GPR12: variants seen among roughly 807,000 people sequenced by gnomAD.
GPR12 encodes the protein G-protein coupled receptor 12.
In GPR12, 7 loss-of-function variants were observed where a neutral mutation model predicts 18.9. The observed-to-expected ratio is 0.37, with a 90% CI of 0.21 to 0.70. GPR12 has a LOEUF of 0.70. GPR12 is among the 30% of genes least tolerant of loss of function. The pLI is 0.54. For missense variants in GPR12, 327 were observed against 427.7 expected (o/e 0.76, Z 2.08); for synonymous variants, 201 against 188.6 (o/e 1.07, Z -0.54).
In GPR12 at chr13:26,757,691, G is replaced by A. The variant is rs541437909; in HGVS notation, c.*1132C>T. ...TGTCACAGTCATAGATGGACGCTGT[G>A]CACTGACAAACAAACCTAATCATTA... On this transcript the variant is annotated 3_prime_UTR_variant, in exon 2 of 2. Transcript: ENST00000405846. 5 of 152,294 alleles carry A rather than the reference G, an allele frequency of 3.3e-5. No homozygotes were observed. The highest frequency in any genetic ancestry group is 5.9e-5 in the Non-Finnish European group (4 of 68,032). The allele number at this position is 152,294 out of a possible 1,614,324, so 9.4% of individuals were successfully genotyped here. A position where few individuals can be genotyped will look rare whatever the true frequency, so the allele number is the denominator to read the frequency against.
chr13:26,758,756 C>T lies in GPR12; in HGVS notation c.*67G>A. The T allele has an allele frequency of 1.3e-6, 2 of 1,521,874 alleles. No homozygotes were observed. Among genetic ancestry groups the T allele is most frequent in the South Asian group, 1.3e-5 (1 of 75,678 alleles). The allele number at this position is 1,521,874 out of a possible 1,614,324, so 94.3% of individuals were successfully genotyped here. A position where few individuals can be genotyped will look rare whatever the true frequency, so the allele number is the denominator to read the frequency against. On this transcript the variant is annotated 3_prime_UTR_variant, in exon 2 of 2. Coordinates refer to ENST00000405846, the MANE Select transcript of GPR12 (RefSeq NM_005288.4). ...TCCAATGCAAGGAATTCAAGGGAAG[C>T]ATCTCAAACCTTGGCCAGGCAGTGG...
rs770351197 is a variant in GPR12, at chr13:26,759,087, C to G, written c.741G>C (p.Arg247=). 3.1e-6 allele frequency: 5 copies of G among 1,613,888 alleles called. No homozygotes were observed. In the South Asian group the frequency reaches 3.3e-5, roughly 11 times the overall value. ...FLATSHYVTT[R]KGVSTLAIIL... Reference sequence around the variant, plus strand: ...TGATAGCCAGGGTGGAGACCCCTTTCCGGGTGGTCACATAGTGCGACGTGG... The same window carrying G: ...TGATAGCCAGGGTGGAGACCCCTTTGCGGGTGGTCACATAGTGCGACGTGG... Residue 247 remains arginine (R), a synonymous_variant, in exon 2 of 2, where the codon CGG becomes CGC. Coordinates refer to ENST00000405846, the MANE Select transcript of GPR12 (RefSeq NM_005288.4).
rs1317561109 is a variant in GPR12 at position 26,759,490 on chromosome 13, T to C, written c.338A>G (p.Lys113Arg). The change falls in exon 2 of 2, where the codon AAG (lysine) becomes AGG (arginine). Residue 113 changes from lysine (K) to arginine (R), a missense_variant. Transcript: ENST00000405846. ...GACAATGAGGCCGATCGTGACCAGCTTGGTGGCTTCTGACTGAAGCAGGTA... is the reference window on the plus strand; with the variant it reads ...GACAATGAGGCCGATCGTGACCAGCCTGGTGGCTTCTGACTGAAGCAGGTA... ...FAYLLQSEAT[K>R]LVTIGLIVAS... The C allele has an allele frequency of 6.2e-7, 1 of 1,614,030 alleles. No individual in the cohort carries two copies. Among genetic ancestry groups the C allele is most frequent in the Admixed American group, 1.7e-5 (1 of 60,020 alleles).
chr13:26,755,435 A>G lies in GPR12; in HGVS notation c.*3388T>C, dbSNP rs1884356917. ...TTTTTAAAAAGCCGAAGAAGTCTCC[A>G]TGATATTTTTATTGGCACTAAGTAT... On this transcript the variant is annotated 3_prime_UTR_variant, in exon 2 of 2. Transcript: ENST00000405846. 1.3e-5 allele frequency: 2 copies of G among 152,200 alleles called. No homozygotes were observed. The highest frequency in any genetic ancestry group is 1.3e-4 in the Admixed American group (2 of 15,284). The allele number at this position is 152,200 out of a possible 1,614,324, so 9.4% of individuals were successfully genotyped here. A position where few individuals can be genotyped will look rare whatever the true frequency, so the allele number is the denominator to read the frequency against.
Position 26,759,079 on chromosome 13 carries a change from A to T in GPR12, c.749T>A (p.Val250Asp). The T allele has an allele frequency of 6.2e-7, 1 of 1,613,388 alleles. No homozygotes were observed. Among genetic ancestry groups the T allele is most frequent in the Non-Finnish European group, 8.5e-7 (1 of 1,179,876 alleles). The part of the protein sequence containing the change: ...TSHYVTTRKG[V>D]STLAIILGTF... Reference sequence around the variant, plus strand: ...CCCCAGGATGATAGCCAGGGTGGAGACCCCTTTCCGGGTGGTCACATAGTG... The same window carrying T: ...CCCCAGGATGATAGCCAGGGTGGAGTCCCCTTTCCGGGTGGTCACATAGTG... Residue 250 changes from valine to aspartate, a missense_variant, in exon 2 of 2, where the codon GTC (valine) becomes GAC (aspartate). By Grantham distance (152) the Val-to-Asp change is radical (BLOSUM62 -3). Transcript: ENST00000405846.
rs544546934 is a variant in GPR12 at position 26,755,837 on chromosome 13, T to C, written c.*2986A>G. Reference sequence around the variant, plus strand: ...ATATCAATTCCTTGGTAGCTAGAAATTTTAATTATGTGGAGTAAAAGATTA... The same window carrying C: ...ATATCAATTCCTTGGTAGCTAGAAACTTTAATTATGTGGAGTAAAAGATTA... On this transcript the variant is annotated 3_prime_UTR_variant, in exon 2 of 2. Transcript: ENST00000405846. 6.6e-6 allele frequency: 1 copy of C among 152,230 alleles called. No homozygotes were observed. The highest frequency in any genetic ancestry group is 1.5e-5 in the Non-Finnish European group (1 of 68,046). 9.4% of individuals were successfully genotyped at this position (152,230 alleles called of 1,614,324 possible).
rs1884421374 is a variant in GPR12 at position 26,758,752 on chromosome 13, G to C, written c.*71C>G. 1 of 1,519,296 alleles carries C rather than the reference G, an allele frequency of 6.6e-7. No individual in the cohort carries two copies. Among genetic ancestry groups the C allele is most frequent in the Middle Eastern group, 2.1e-4 (1 of 4,672 alleles). The allele number at this position is 1,519,296 out of a possible 1,614,324, so 94.1% of individuals were successfully genotyped here. On this transcript the variant is annotated 3_prime_UTR_variant, in exon 2 of 2. Coordinates refer to ENST00000405846, the MANE Select transcript of GPR12 (RefSeq NM_005288.4). ...GGAATCCAATGCAAGGAATTCAAGGGAAGCATCTCAAACCTTGGCCAGGCA... is the reference window on the plus strand; with the variant it reads ...GGAATCCAATGCAAGGAATTCAAGGCAAGCATCTCAAACCTTGGCCAGGCA...
chr13:26,757,885 GT>G lies in GPR12; in HGVS notation c.*937del, dbSNP rs1015089534. On this transcript the variant is annotated 3_prime_UTR_variant, in exon 2 of 2. Transcript: ENST00000405846. Reference sequence around the variant, plus strand: ...TTCATTTCATGATAATGTCACATTAGTTTTTTTCAGAATATATTAAAATAAA... The same window carrying G: ...TTCATTTCATGATAATGTCACATTAGTTTTTTCAGAATATATTAAAATAAA... The G allele has an allele frequency of 6.6e-6, 1 of 152,134 alleles. No homozygotes were observed. Among genetic ancestry groups the G allele is most frequent in the Non-Finnish European group, 1.5e-5 (1 of 68,020 alleles). 9.4% of individuals were successfully genotyped at this position (152,134 alleles called of 1,614,324 possible).
intron 1 of GPR12, chr13:26,760,325 C>T (rs892396054): frequency 2.0e-4 from 34 of 169,052 alleles, no homozygotes; most frequent in Non-Finnish European, 3.9e-4. Context: ...ATCCCCCGCG[C>T]GCGTGCACAT....
Position 26,755,631 on chromosome 13 carries a change from C to G in GPR12, c.*3192G>C, listed in dbSNP as rs1033536363. 6.6e-6 allele frequency: 1 copy of G among 152,166 alleles called. No homozygotes were observed. The highest frequency in any genetic ancestry group is 6.5e-5 in the Admixed American group (1 of 15,270). 9.4% of individuals were successfully genotyped at this position (152,166 alleles called of 1,614,324 possible). On this transcript the variant is annotated 3_prime_UTR_variant, in exon 2 of 2. Transcript: ENST00000405846. Reference sequence around the variant, plus strand: ...GAGGGGCTCTATCTCCACCCTGCTTCCCTGCCCCAGGTACCTTTAAAAACA... The same window carrying G: ...GAGGGGCTCTATCTCCACCCTGCTTGCCTGCCCCAGGTACCTTTAAAAACA...
chr13:26,758,933 C>T lies in GPR12; in HGVS notation c.895G>A (p.Val299Ile), dbSNP rs775896560. 1 of 1,614,056 alleles carries T rather than the reference C, an allele frequency of 6.2e-7. No individual in the cohort carries two copies. The highest frequency in any genetic ancestry group is 2.2e-5 in the East Asian group (1 of 44,866). ...TCTTGGTTTCTGAAAGCATATATGA[C>T]AGGGTTGATGATGGAATTGTAGGTG... ...PATYNSIINP[V>I]IYAFRNQEIQ... Residue 299 changes from valine to isoleucine, a missense_variant, in exon 2 of 2, where the codon GTC (valine) becomes ATC (isoleucine). Transcript: ENST00000405846.
In GPR12 at chr13:26,756,622, A is replaced by C. The variant is rs1884379639; in HGVS notation, c.*2201T>G. The C allele has an allele frequency of 6.6e-6, 1 of 152,208 alleles. No individual in the cohort carries two copies. Among genetic ancestry groups the C allele is most frequent in the South Asian group, 2.1e-4 (1 of 4,822 alleles). 9.4% of individuals were successfully genotyped at this position (152,208 alleles called of 1,614,324 possible). A position where few individuals can be genotyped will look rare whatever the true frequency, so the allele number is the denominator to read the frequency against. On this transcript the variant is annotated 3_prime_UTR_variant, in exon 2 of 2. Transcript: ENST00000405846. ...AGGAGCAAGACTTAGACTTTGGAAA[A>C]GCTGGCTTCAAATTCTGACTCTATC...
At position 26,758,362 on chromosome 13, in the gene GPR12, T is replaced by C. The variant is rs116131643; in HGVS notation, c.*461A>G. 3.8e-3 allele frequency: 589 copies of C among 155,614 alleles called. 4 individuals are homozygous for C. Among genetic ancestry groups the C allele is most frequent in the African/African-American group, 0.014 (560 of 39,972 alleles). The allele number at this position is 155,614 out of a possible 1,614,324, so 9.6% of individuals were successfully genotyped here. ...AAGGGGTCATATTCTGTTACATACA[T>C]GCAGCATTAAAAAATCTACCATCAT... is the stretch of plus-strand genomic sequence containing the variant. On this transcript the variant is annotated 3_prime_UTR_variant, in exon 2 of 2. Transcript: ENST00000405846.
Position 26,756,873 on chromosome 13 carries a change from C to T in GPR12, c.*1950G>A, listed in dbSNP as rs1365501831. 6.6e-6 allele frequency: 1 copy of T among 152,086 alleles called. No individual in the cohort carries two copies. Among genetic ancestry groups the T allele is most frequent in the Non-Finnish European group, 1.5e-5 (1 of 68,034 alleles). The allele number at this position is 152,086 out of a possible 1,614,324, so 9.4% of individuals were successfully genotyped here. A position where few individuals can be genotyped will look rare whatever the true frequency, so the allele number is the denominator to read the frequency against. On this transcript the variant is annotated 3_prime_UTR_variant, in exon 2 of 2. Coordinates refer to ENST00000405846, the MANE Select transcript of GPR12 (RefSeq NM_005288.4). The stretch of plus-strand genomic sequence containing the variant: ...AAAATCATCATTTATTCCTTTAAAA[C>T]CTCATTACGGATATTTCCTAGCCCC...
In GPR12 at chr13:26,758,990, AG is replaced by A; in HGVS notation, c.837del (p.Ser280ProfsTer106). On this transcript the variant is annotated frameshift_variant, in exon 2 of 2. Coordinates refer to ENST00000405846, the MANE Select transcript of GPR12 (RefSeq NM_005288.4). LOFTEE classifies it high-confidence loss of function. ...AGGAGGGTGGCGTAGGTATAGATGG[AG>A]GGGTAGGTGTAATCCGCTATCAAGG... is the stretch of plus-strand genomic sequence containing the variant. ...LYSLIADYTY[P>X]SIYTYATLLP... 1 of 1,613,834 alleles carries A rather than the reference AG, an allele frequency of 6.2e-7. No individual in the cohort carries two copies. Among genetic ancestry groups the A allele is most frequent in the Non-Finnish European group, 8.5e-7 (1 of 1,179,960 alleles).
rs35095445 is a variant in GPR12 at position 26,758,037 on chromosome 13, C to T, written c.*786G>A. On this transcript the variant is annotated 3_prime_UTR_variant, in exon 2 of 2. Transcript: ENST00000405846. ...TTCATATGAAGATCAAAACCTACTT[C>T]AGGATTCATTTTAGAAAGTACATAT... is the stretch of plus-strand genomic sequence containing the variant. 2 of 152,190 alleles carry T rather than the reference C, an allele frequency of 1.3e-5. No homozygotes were observed. Among genetic ancestry groups the T allele is most frequent in the East Asian group, 3.8e-4 (2 of 5,204 alleles). The allele number at this position is 152,190 out of a possible 1,614,324, so 9.4% of individuals were successfully genotyped here.
Position 26,758,866 on chromosome 13 carries a change from G to A in GPR12, c.962C>T (p.Pro321Leu), listed in dbSNP as rs752179748. The change falls in exon 2 of 2, where the codon CCG becomes CTG. Residue 321 changes from proline (P) to leucine (L), a missense_variant. Coordinates refer to ENST00000405846, the MANE Select transcript of GPR12 (RefSeq NM_005288.4). Reference protein sequence around the residue: ...ALCLICCGCIPSSLAQRARSP... With the variant: ...ALCLICCGCILSSLAQRARSP... Reference sequence around the variant, plus strand: ...GCGCGCTCTCTGGGCGAGACTGGACGGGATGCAGCCGCAGCAAATGAGACA... The same window carrying A: ...GCGCGCTCTCTGGGCGAGACTGGACAGGATGCAGCCGCAGCAAATGAGACA... 6.2e-7 allele frequency: 1 copy of A among 1,613,818 alleles called. No homozygotes were observed. Among genetic ancestry groups the A allele is most frequent in the Non-Finnish European group, 8.5e-7 (1 of 1,179,742 alleles).
chr13:26,760,384 C>A (rs1486600634), intron 1 of GPR12, 195 bp downstream of exon 1: 1 of 158,962 alleles, frequency 6.3e-6, no homozygotes. Context: ...AGACTCCCCC[C>A]GTGCGCACGG....
rs1274567912 is a variant in GPR12, at chr13:26,758,714, T to G, written c.*109A>C. 1.4e-6 allele frequency: 2 copies of G among 1,445,804 alleles called. No homozygotes were observed. The highest frequency in any genetic ancestry group is 2.9e-5 in the African/African-American group (2 of 70,084). 89.6% of individuals were successfully genotyped at this position (1,445,804 alleles called of 1,614,324 possible). A position where few individuals can be genotyped will look rare whatever the true frequency, so the allele number is the denominator to read the frequency against. On this transcript the variant is annotated 3_prime_UTR_variant, in exon 2 of 2. Transcript: ENST00000405846. ...TTGTTTCACGAATGCTAAGTGCTCCTGTGGCTTGAGAGGGAATCCAATGCA... is the reference window on the plus strand; with the variant it reads ...TTGTTTCACGAATGCTAAGTGCTCCGGTGGCTTGAGAGGGAATCCAATGCA...
Sources: allele counts gnomAD v4.1 joint callset, GRCh38; gene constraint gnomAD v4.1.1; transcripts MANE v1.5; gene names NCBI Gene and HGNC (gene_info 2026-07-23, HGNC 2026-07-21).